Variants in CYRIA observed in about 807,000 individuals in gnomAD.
CYRIA encodes the protein CYFIP-related Rac1 interactor A.
A neutral mutation model predicts 43.9 loss-of-function variants in CYRIA; 15 were observed. The ratio of observed to expected loss-of-function variants is 0.34; its 90% CI spans 0.23 to 0.53. The LOEUF is 0.53. Among genes scored for constraint, CYRIA ranks in the 20% least tolerant of loss-of-function variants. The pLI, the probability that CYRIA is intolerant of heterozygous loss-of-function variation, is 0.94. For synonymous variants in CYRIA, 117 were observed against 136.0 expected (o/e 0.86, Z 0.97); for missense variants, 236 against 394.2 (o/e 0.60, Z 3.40).
chr2:16,639,656 T>C (rs1669612885), intron 1 of CYRIA, among the ~76,000 whole-genome samples: 1 of 152,242 alleles, frequency 6.6e-6, no homozygotes, highest in African/African-American at 2.4e-5. Flanking sequence ...CACTTTCCCA[T>C]TCCATCTCAG....
chr2:16,582,684 T>C (rs1329973989), intron 3 of CYRIA, among the ~76,000 whole-genome samples: 2 of 152,214 alleles, frequency 1.3e-5, no homozygotes, highest in African/African-American at 4.8e-5. Context: ...TCATATCACC[T>C]ATCAGTACTT....
intron 3 of CYRIA, among the ~76,000 whole-genome samples, chr2:16,582,732 A>C (rs1238628615): frequency 6.6e-6 from 1 of 152,184 alleles, no homozygotes; most frequent in African/African-American, 2.4e-5. Flanking sequence ...CATTGAATTG[A>C]TATAACATTT....
At chr2:16,642,910 C>T (rs1669717214) in intron 1 of CYRIA, among the ~76,000 whole-genome samples, 1 of 151,974 alleles carries the variant, frequency 6.6e-6, no homozygotes, top group South Asian at 2.1e-4. Flanking sequence ...CTCCTTGGTT[C>T]GGCTCCATTT....
At chr2:16,614,759 G>A (rs568320974) in intron 2 of CYRIA, among the ~76,000 whole-genome samples, 1 of 152,302 alleles carries the variant, frequency 6.6e-6, no homozygotes, top group Non-Finnish European at 1.5e-5. Context: ...GAGACACCCG[G>A]TCACCTGCCA....
intron 10 of CYRIA, among the ~76,000 whole-genome samples, chr2:16,556,249 T>C (rs1301398335): frequency 6.6e-6 from 1 of 152,076 alleles, no homozygotes. Context: ...TTGGGAATCA[T>C]GTGAGGATCA....
In CYRIA at chr2:16,551,710, G is replaced by A. The variant is rs1395078530; in HGVS notation, c.*1226C>T. ...GGATACTACGTACTAAGGAAGAAGG[G>A]CGGAGTCAGTCATTTTATCGGCATT... On this transcript the variant is annotated 3_prime_UTR_variant, in exon 12 of 12. Transcript: ENST00000381323. The A allele has an allele frequency of 6.6e-6, 1 of 152,168 alleles. No homozygotes were observed. The highest frequency in any genetic ancestry group is 2.4e-5 in the African/African-American group (1 of 41,448). 9.4% of individuals were successfully genotyped at this position (152,168 alleles called of 1,614,324 possible).
intron 11 of CYRIA, 28 bp from the exon 12 acceptor site, chr2:16,553,027 A>T: frequency 7.2e-7 from 1 of 1,389,678 alleles, no homozygotes; most frequent in South Asian, 1.2e-5. Context: ...GGTAGAGGTT[A>T]GCGGCAAACA....
At chr2:16,663,497 T>A (rs556136950) in intron 1 of CYRIA, among the ~76,000 whole-genome samples, 2 of 151,904 alleles carry the variant, frequency 1.3e-5, no homozygotes, top group East Asian at 3.9e-4. Flanking sequence ...AGGAACAGCC[T>A]CACTGGAGAG....
At chr2:16,612,159 C>T (rs1668627871) in intron 2 of CYRIA, among the ~76,000 whole-genome samples, 1 of 152,146 alleles carries the variant, frequency 6.6e-6, no homozygotes, top group African/African-American at 2.4e-5. Context: ...GCAAGCCACC[C>T]AGGGAATGTG....
chr2:16,557,023 T>C (rs577073634), intron 10 of CYRIA, among the ~76,000 whole-genome samples: 1 of 152,206 alleles, frequency 6.6e-6, no homozygotes, highest in East Asian at 1.9e-4. Flanking sequence ...AAATGGGGTC[T>C]GGAATTCTGG....
chr2:16,557,185 G>A lies in CYRIA; in HGVS notation c.838-2046C>T, dbSNP rs531588034. On this transcript the variant is annotated intron_variant, in intron 10 of 11. Transcript: ENST00000381323. ...ATTTCTTTAATAAATGGCTTGTGCC[G>A]CCTTGGTAGCCACTTGGATGATTCC... is the stretch of plus-strand genomic sequence containing the variant. 2.1e-4 allele frequency among the ~76,000 whole-genome samples: 32 copies of A among 152,224 alleles called. No individual in the cohort carries two copies. In the East Asian group the frequency reaches 2.3e-3, roughly 11 times the overall value.
intron 2 of CYRIA, among the ~76,000 whole-genome samples, chr2:16,616,317 ACT>A (rs1668789718): frequency 6.6e-6 from 1 of 150,976 alleles, no homozygotes; most frequent in Non-Finnish European, 1.5e-5. Flanking sequence ...AGCACCAAAA[ACT>A]CTTTGTTGAA....
At chr2:16,570,607 G>C (rs1572466168) in intron 3 of CYRIA, among the ~76,000 whole-genome samples, 1 of 152,174 alleles carries the variant, frequency 6.6e-6, no homozygotes, top group Non-Finnish European at 1.5e-5. Context: ...AAGACATCTT[G>C]AAAGGAACCC....
In CYRIA at chr2:16,632,182, T is replaced by C. The variant is rs367880080; in HGVS notation, c.-166-8163A>G. 1.9e-4 allele frequency among the ~76,000 whole-genome samples: 29 copies of C among 152,360 alleles called. No homozygotes were observed. The South Asian group carries it at 3.7e-3, about 20-fold the overall frequency. On this transcript the variant is annotated intron_variant, in intron 1 of 11. Coordinates refer to ENST00000381323, the MANE Select transcript of CYRIA (RefSeq NM_030797.4). ...TCCACATGGCAAGTGACTTGCCCCA[T>C]GCACAGTGGCTGAACAGTCTTGGGA...
rs544801102 is a variant in CYRIA, at chr2:16,622,100, GAC to G, written c.-11+1762_-11+1763del. ...AAAGCCCTGAATGAGCATGTGCTTG[GAC>G]CCTGACTGTCTTGCTGAGTGCCAGG... On this transcript the variant is annotated intron_variant, in intron 2 of 11. Transcript: ENST00000381323. 1.2e-3 allele frequency among the ~76,000 whole-genome samples: 187 copies of G among 152,282 alleles called. 1 individual carries two copies. Among genetic ancestry groups the G allele is most frequent in the Non-Finnish European group, 2.0e-3 (133 of 68,024 alleles).
intron 3 of CYRIA, among the ~76,000 whole-genome samples, chr2:16,567,542 G>A (rs530851145): frequency 1.4e-3 from 208 of 152,234 alleles, no homozygotes; most frequent in African/African-American, 4.4e-3. Context: ...GAACTGAGGC[G>A]GGGTGGCTGC....
intron 3 of CYRIA, among the ~76,000 whole-genome samples, chr2:16,566,878 CAA>C (rs1202350727): frequency 6.6e-6 from 1 of 152,156 alleles, no homozygotes; most frequent in Non-Finnish European, 1.5e-5. Context: ...CCATCTAAAA[CAA>C]AGGCACTGCT....
intron 2 of CYRIA, among the ~76,000 whole-genome samples, chr2:16,619,866 G>A (rs1298634687): frequency 6.6e-6 from 1 of 152,162 alleles, no homozygotes; most frequent in Non-Finnish European, 1.5e-5. Context: ...TTCTGTACCT[G>A]AGCATCTCTC....
At chr2:16,573,035 C>A (rs1163595574) in intron 3 of CYRIA, among the ~76,000 whole-genome samples, 1 of 152,174 alleles carries the variant, frequency 6.6e-6, no homozygotes, top group Non-Finnish European at 1.5e-5. Context: ...TTCATCCCTC[C>A]AGGCCCCCTG....
Sources: gnomAD v4.1 joint callset for allele counts (sites outside exome capture counted in the v4.1 genomes callset) on GRCh38, gnomAD v4.1.1 for gene constraint, MANE v1.5 for transcripts, NCBI Gene and HGNC (gene_info 2026-07-23, HGNC 2026-07-21) for gene names.